Variants in TUBB3 observed in about 807,000 individuals in gnomAD.
The protein encoded by TUBB3 is tubulin beta 3 class III.
In TUBB3, 17 loss-of-function variants were observed where a neutral mutation model predicts 37.8. That is an observed-to-expected ratio of 0.45 (90% confidence interval 0.31 to 0.67). The LOEUF (loss-of-function observed/expected upper bound fraction) is 0.67. Among genes scored for constraint, TUBB3 ranks in the 30% least tolerant of loss-of-function variants. The pLI is 0.07. For missense variants in TUBB3, 262 were observed against 657.9 expected (o/e 0.40, Z 6.58); for synonymous variants, 332 against 278.9 (o/e 1.19, Z -1.90).
At chr16:89,925,319 G>A (rs2030034315) in intron 1 of TUBB3, among the ~76,000 whole-genome samples, 1 of 152,058 alleles carries the variant, frequency 6.6e-6, no homozygotes, top group African/African-American at 2.4e-5. Context: ...GGGCACGGTG[G>A]ATGAGGAATC....
At chr16:89,932,819 C>T in intron 2 of TUBB3, 140 bp downstream of exon 2, 1 of 717,200 alleles carries the variant, frequency 1.4e-6, no homozygotes, top group South Asian at 1.5e-5. Flanking sequence ...GAGATGCCAG[C>T]AGGCGTAACT....
rs759993262 is a variant in TUBB3 at position 89,923,377 on chromosome 16, C to T, written c.-25C>T. 46 of 1,457,250 alleles carry T rather than the reference C, an allele frequency of 3.2e-5. No individual in the cohort carries two copies. In the East Asian group the frequency reaches 1.4e-3, roughly 45 times the overall value. The allele number at this position is 1,457,250 out of a possible 1,614,324, so 90.3% of individuals were successfully genotyped here. A position where few individuals can be genotyped will look rare whatever the true frequency, so the allele number is the denominator to read the frequency against. On this transcript the variant is annotated 5_prime_UTR_variant, in exon 1 of 4. Transcript: ENST00000315491. ...AGCCCGGCCCGCCCGCGCCCGTCCG[C>T]AGCCGCCCGCCAGACGCGCCCAGTA...
At chr16:89,922,411 G>A (rs959726150), upstream of TUBB3, among the ~76,000 whole-genome samples, 2 of 152,256 alleles carry the variant, frequency 1.3e-5, no homozygotes, top group Admixed American at 1.3e-4. Context: ...TGGCCCAGGA[G>A]GAGGTCAGTG....
At chr16:89,922,459 C>G (rs1597417285), upstream of TUBB3, 1 of 152,652 alleles carries the variant, frequency 6.6e-6, no homozygotes, top group East Asian at 1.9e-4. Context: ...CCTTCTCTGA[C>G]CAGTAAACGC....
chr16:89,926,218 T>TCCTCCGCGCGGGCTGCGGCACCG lies in TUBB3; in HGVS notation c.57+2766_57+2788dup, dbSNP rs1289361769. Reference sequence around the variant, plus strand: ...GCAGCGGCGGAGGGGGGAGCCTTTGTCCTCCGCGCGGGCTGCGGCACCGCC... The same window carrying TCCTCCGCGCGGGCTGCGGCACCG: ...GCAGCGGCGGAGGGGGGAGCCTTTGTCCTCCGCGCGGGCTGCGGCACCGCCTCCGCGCGGGCTGCGGCACCGCC... On this transcript the variant is annotated intron_variant, in intron 1 of 3. Coordinates refer to ENST00000315491, the MANE Select transcript of TUBB3 (RefSeq NM_006086.4). 2.0e-5 allele frequency among the ~76,000 whole-genome samples: 3 copies of TCCTCCGCGCGGGCTGCGGCACCG among 152,166 alleles called. No individual in the cohort carries two copies. In the East Asian group the frequency reaches 5.8e-4, roughly 30 times the overall value.
intron 1 of TUBB3, among the ~76,000 whole-genome samples, chr16:89,927,066 T>C (rs2030113115): frequency 6.6e-6 from 1 of 152,014 alleles, no homozygotes; most frequent in African/African-American, 2.4e-5. Context: ...AAAATTATAT[T>C]TTATTGTTTA....
intron 1 of TUBB3, among the ~76,000 whole-genome samples, chr16:89,926,332 C>T (rs1043512312): frequency 6.6e-5 from 10 of 152,304 alleles, no homozygotes; most frequent in East Asian, 1.9e-4. Context: ...CGCCCTCTCG[C>T]CTGAAAGACC....
chr16:89,932,848 C>A, intron 2 of TUBB3, 169 bp downstream of exon 2: 1 of 657,754 alleles, frequency 1.5e-6, no homozygotes, highest in Non-Finnish European at 2.8e-6. Context: ...GGCATCCAGA[C>A]GCACAGAACA....
chr16:89,930,483 G>C (rs2030244668), intron 1 of TUBB3, among the ~76,000 whole-genome samples: 2 of 151,934 alleles, frequency 1.3e-5, no homozygotes, highest in Middle Eastern at 3.4e-3. Context: ...GAGTACAGTG[G>C]TGCAATCTTG....
intron 3 of TUBB3, chr16:89,934,272 C>T (rs1458399625): frequency 1.1e-5 from 5 of 464,966 alleles, no homozygotes; most frequent in South Asian, 4.7e-5. Context: ...GGGGCGGGGC[C>T]GTGGACGCGC....
intron 1 of TUBB3, among the ~76,000 whole-genome samples, chr16:89,930,727 G>T (rs1191844573): frequency 6.6e-6 from 1 of 151,734 alleles, no homozygotes; most frequent in Non-Finnish European, 1.5e-5. Flanking sequence ...TTGAGATGGG[G>T]TCTTGATATG....
chr16:89,928,715 A>G (rs975436674), intron 1 of TUBB3, among the ~76,000 whole-genome samples: 13 of 151,702 alleles, frequency 8.6e-5, no homozygotes, highest in South Asian at 4.1e-4. Context: ...TAGTAGAGAC[A>G]GGGTTTCACT....
intron 1 of TUBB3, among the ~76,000 whole-genome samples, chr16:89,931,367 A>G (rs887127550): frequency 4.6e-5 from 7 of 152,208 alleles, no homozygotes; most frequent in African/African-American, 1.7e-4. Context: ...CAGCTCATCT[A>G]AAAGTCACTC....
At chr16:89,923,900 C>G (rs947988795) in intron 1 of TUBB3, among the ~76,000 whole-genome samples, 1 of 152,146 alleles carries the variant, frequency 6.6e-6, no homozygotes, top group Admixed American at 6.5e-5. Flanking sequence ...CCCGAACCCC[C>G]CACTGGAGTA....
At chr16:89,921,985 C>T, upstream of TUBB3, 1 of 152,628 alleles carries the variant, frequency 6.6e-6, no homozygotes, top group Non-Finnish European at 1.5e-5. Context: ...AACTTCTTCC[C>T]TCGTGGAGAC....
chr16:89,934,566 G>A, intron 3 of TUBB3, 163 bp from the exon 4 acceptor site: 1 of 726,730 alleles, frequency 1.4e-6, no homozygotes, highest in Non-Finnish European at 2.4e-6. Context: ...GCTCAGGGAA[G>A]CCACGGCGGG....
Position 89,923,345 on chromosome 16 carries a change from A to C in TUBB3, c.-57A>C. Reference sequence around the variant, plus strand: ...CGCGCGGCCGCGGTCCCCGACCCTCAGCAGCCAGCCCGGCCCGCCCGCGCC... The same window carrying C: ...CGCGCGGCCGCGGTCCCCGACCCTCCGCAGCCAGCCCGGCCCGCCCGCGCC... On this transcript the variant is annotated 5_prime_UTR_variant, in exon 1 of 4. Coordinates refer to ENST00000315491, the MANE Select transcript of TUBB3 (RefSeq NM_006086.4). The C allele has an allele frequency of 2.1e-6, 3 of 1,409,242 alleles. No individual in the cohort carries two copies. Among genetic ancestry groups the C allele is most frequent in the Non-Finnish European group, 2.8e-6 (3 of 1,070,594 alleles). The allele number at this position is 1,409,242 out of a possible 1,614,324, so 87.3% of individuals were successfully genotyped here.
intron 1 of TUBB3, among the ~76,000 whole-genome samples, chr16:89,929,319 C>G (rs28486087): frequency 0.041 from 6,312 of 152,100 alleles, 446 homozygotes; most frequent in African/African-American, 0.14. Context: ...TTAGCAATAA[C>G]AAAAATGCAC....
chr16:89,923,308 C>A (rs2029950045), upstream of TUBB3: 1 of 1,098,750 alleles, frequency 9.1e-7, no homozygotes, highest in Admixed American at 4.3e-5. Flanking sequence ...GGCGGGGCCG[C>A]GGCTATAAGA....
Sources: allele counts gnomAD v4.1 joint callset (sites outside exome capture counted in the v4.1 genomes callset), GRCh38; gene constraint gnomAD v4.1.1; transcripts MANE v1.5; gene names NCBI Gene and HGNC (gene_info 2026-07-23, HGNC 2026-07-21).